The following PCDH15 variants were observed in gnomAD, a reference collection of about 807,000 sequenced individuals.
The protein encoded by PCDH15 is protocadherin related 15.
In PCDH15, 129 loss-of-function variants were observed where a neutral mutation model predicts 178.5. The ratio of observed to expected loss-of-function variants is 0.72; its 90% CI spans 0.63 to 0.84. PCDH15 has a LOEUF of 0.84. PCDH15 is among the 40% of genes least tolerant of loss of function. The pLI is 0.00. For synonymous variants in PCDH15, 800 were observed against 732.0 expected (o/e 1.09, Z -1.50); for missense variants, 2,230 against 2,099.9 (o/e 1.06, Z -1.21).
intron 3 of PCDH15, among the ~76,000 whole-genome samples, chr10:54,463,423 C>T (rs1454460245): frequency 6.6e-6 from 1 of 152,070 alleles, no homozygotes; most frequent in Non-Finnish European, 1.5e-5. Flanking sequence ...GGATAGATGA[C>T]TTATCCAGGG....
At chr10:54,075,831 A>T (rs2094333047) in intron 17 of PCDH15, among the ~76,000 whole-genome samples, 1 of 151,780 alleles carries the variant, frequency 6.6e-6, no homozygotes, top group Admixed American at 6.6e-5. Flanking sequence ...TGCTAGTACT[A>T]CTCTGTTTTG....
chr10:55,458,308 TCTGCTGATG>T (rs1336089056), intron 2 of PCDH15, among the ~76,000 whole-genome samples: 1 of 152,064 alleles, frequency 6.6e-6, no homozygotes, highest in Non-Finnish European at 1.5e-5. Flanking sequence ...ACTTGCAGGT[TCTGCTGATG>T]ACTCGAATAT....
intron 2 of PCDH15, among the ~76,000 whole-genome samples, chr10:54,637,021 G>A (rs4935115): frequency 0.45 from 67,457 of 150,384 alleles, 16,098 homozygotes; most frequent in Non-Finnish European, 0.54. Context: ...ATGGCATAGC[G>A]TACCTTCTTT....
At chr10:54,672,118 C>T (rs556895843) in intron 1 of PCDH15, among the ~76,000 whole-genome samples, 2 of 152,086 alleles carry the variant, frequency 1.3e-5, no homozygotes, top group South Asian at 4.2e-4. Context: ...GTCATTGTCT[C>T]TCATTATTCC....
chr10:55,502,446 T>C (rs957188803), intron 2 of PCDH15, among the ~76,000 whole-genome samples: 6 of 151,712 alleles, frequency 4.0e-5, no homozygotes, highest in African/African-American at 1.4e-4. Flanking sequence ...TACACTATCA[T>C]GATCACACGC....
chr10:55,583,046 A>G (rs1842655249), intron 2 of PCDH15, among the ~76,000 whole-genome samples: 1 of 152,178 alleles, frequency 6.6e-6, no homozygotes, highest in Non-Finnish European at 1.5e-5. Flanking sequence ...CTTTCATAAC[A>G]TCAAGATTTA....
chr10:54,408,468 G>A (rs1338627782), intron 3 of PCDH15, among the ~76,000 whole-genome samples: 1 of 144,310 alleles, frequency 6.9e-6, no homozygotes, highest in Non-Finnish European at 1.5e-5. Context: ...AGTCCAAAGT[G>A]ATTTGAAAAG....
At chr10:55,312,428 A>G (rs1250575460) in intron 1 of PCDH15, among the ~76,000 whole-genome samples, 1 of 152,190 alleles carries the variant, frequency 6.6e-6, no homozygotes, top group African/African-American at 2.4e-5. Context: ...TAGTATGAAC[A>G]TAATGAGACA....
At chr10:54,440,275 G>A (rs1338873719) in intron 3 of PCDH15, among the ~76,000 whole-genome samples, 1 of 151,962 alleles carries the variant, frequency 6.6e-6, no homozygotes. Flanking sequence ...ATGCAAATAA[G>A]CTATTTGCAG....
intron 3 of PCDH15, among the ~76,000 whole-genome samples, chr10:54,524,567 C>T (rs2083200538): frequency 6.6e-6 from 1 of 152,200 alleles, no homozygotes; most frequent in South Asian, 2.1e-4. Context: ...CCCCACCTCT[C>T]TTCTTTCAGT....
At position 53,860,133 on chromosome 10, in the gene PCDH15, A is replaced by G. The variant is rs550168719; in HGVS notation, c.3718-2870T>C. ...ATCAGAAGTTCCCTCTAGACCTGAT[A>G]AAAAGAACAGCATGACATCTGAGAT... On this transcript the variant is annotated intron_variant, in intron 27 of 37. Coordinates refer to ENST00000644397, the MANE Select transcript of PCDH15 (RefSeq NM_001384140.1). Among the ~76,000 whole-genome samples the G allele has an allele frequency of 1.2e-4, 19 of 152,304 alleles. No individual in the cohort carries two copies. In the South Asian group the frequency reaches 3.9e-3, roughly 32 times the overall value.
intron 2 of PCDH15, among the ~76,000 whole-genome samples, chr10:55,027,033 G>C (rs1384015624): frequency 6.6e-6 from 1 of 151,946 alleles, no homozygotes; most frequent in Non-Finnish European, 1.5e-5. Flanking sequence ...ATAAGAGAAA[G>C]ATGGGATAGG....
At chr10:55,154,956 C>T (rs1246976659) in intron 2 of PCDH15, among the ~76,000 whole-genome samples, 2 of 152,084 alleles carry the variant, frequency 1.3e-5, no homozygotes, top group Non-Finnish European at 2.9e-5. Flanking sequence ...TTTAATTGAA[C>T]TTGTTGTGAC....
intron 9 of PCDH15, among the ~76,000 whole-genome samples, chr10:54,234,173 TG>T (rs2062265400): frequency 2.0e-5 from 3 of 150,490 alleles, no homozygotes; most frequent in Admixed American, 1.3e-4. Flanking sequence ...TGTGTGTGTG[TG>T]TGCTGTGTCT....
At chr10:54,709,923 G>T (rs899116999) in intron 1 of PCDH15, among the ~76,000 whole-genome samples, 1 of 143,808 alleles carries the variant, frequency 7.0e-6, no homozygotes, top group Admixed American at 7.1e-5. Context: ...GTGTGTAAGT[G>T]TTTTTTAACA....
intron 6 of PCDH15, among the ~76,000 whole-genome samples, chr10:54,341,950 C>T (rs1050411958): frequency 6.6e-6 from 1 of 152,142 alleles, no homozygotes; most frequent in Non-Finnish European, 1.5e-5. Context: ...CAAGATGTGA[C>T]CTGTCTTTTT....
chr10:54,988,672 T>A (rs957587043), intron 2 of PCDH15, among the ~76,000 whole-genome samples: 1 of 152,184 alleles, frequency 6.6e-6, no homozygotes, highest in African/African-American at 2.4e-5. Flanking sequence ...AAGAAATTTC[T>A]AAGCAGCAAA....
At chr10:54,122,735 G>A (rs2041654891) in intron 15 of PCDH15, among the ~76,000 whole-genome samples, 1 of 151,898 alleles carries the variant, frequency 6.6e-6, no homozygotes, top group African/African-American at 2.4e-5. Context: ...AAATCTGTAG[G>A]AGTTCTATAC....
chr10:54,787,002 G>A (rs72796537), intron 1 of PCDH15, among the ~76,000 whole-genome samples: 1 of 151,476 alleles, frequency 6.6e-6, no homozygotes, highest in Non-Finnish European at 1.5e-5. Context: ...GGTTTTACTT[G>A]TCTAACCTAG....
Sources: gnomAD v4.1 joint callset for allele counts (sites outside exome capture counted in the v4.1 genomes callset) on GRCh38, gnomAD v4.1.1 for gene constraint, MANE v1.5 for transcripts, NCBI Gene and HGNC (gene_info 2026-07-23, HGNC 2026-07-21) for gene names.